The following ZBTB20 variants were observed in gnomAD, a reference collection of about 807,000 sequenced individuals.
ZBTB20 encodes the protein zinc finger and BTB domain containing 20.
Under a neutral mutation model 56.9 loss-of-function variants are expected in ZBTB20, and 9 were observed. That is an observed-to-expected ratio of 0.16 (90% CI 0.10 to 0.28). ZBTB20 has a LOEUF of 0.28. ZBTB20 is among the 10% of genes least tolerant of loss of function. ZBTB20 has a pLI of 1.00. For missense variants in ZBTB20, 655 were observed against 1,003.0 expected (o/e 0.65, Z 4.69); for synonymous variants, 417 against 420.7 (o/e 0.99, Z 0.11).
At chr3:114,669,163 G>T (rs532798460) in intron 6 of ZBTB20, among the ~76,000 whole-genome samples, 2 of 152,134 alleles carry the variant, frequency 1.3e-5, no homozygotes, top group Admixed American at 1.3e-4. Context: ...GGAGAGGTCA[G>T]AAATACCACT....
chr3:114,706,015 G>A (rs532794681), intron 5 of ZBTB20, among the ~76,000 whole-genome samples: 4 of 152,070 alleles, frequency 2.6e-5, no homozygotes, highest in Middle Eastern at 3.4e-3. Context: ...ATCTAGCCAC[G>A]GTCTATAGGA....
At chr3:114,821,466 T>C (rs1049851089) in intron 4 of ZBTB20, among the ~76,000 whole-genome samples, 1 of 152,150 alleles carries the variant, frequency 6.6e-6, no homozygotes, top group African/African-American at 2.4e-5. Flanking sequence ...TGGATCTCTC[T>C]AGTTTGCCTG....
At chr3:114,715,375 T>C (rs2064400461) in intron 5 of ZBTB20, among the ~76,000 whole-genome samples, 1 of 152,118 alleles carries the variant, frequency 6.6e-6, no homozygotes, top group South Asian at 2.1e-4. Context: ...GGGAGGCTTT[T>C]AAGGAAGGTT....
intron 6 of ZBTB20, among the ~76,000 whole-genome samples, chr3:114,538,111 T>C (rs1232593631): frequency 6.6e-6 from 1 of 151,892 alleles, no homozygotes; most frequent in Non-Finnish European, 1.5e-5. Flanking sequence ...TGCACATATA[T>C]CCCAGAACTT....
chr3:115,132,990 T>C (rs935938049), intron 1 of ZBTB20, among the ~76,000 whole-genome samples: 1 of 152,206 alleles, frequency 6.6e-6, no homozygotes, highest in Non-Finnish European at 1.5e-5. Context: ...TTCCTTAGAA[T>C]TTTTTAATAT....
chr3:115,122,275 C>T (rs2084204489), intron 1 of ZBTB20, among the ~76,000 whole-genome samples: 1 of 151,944 alleles, frequency 6.6e-6, no homozygotes, highest in African/African-American at 2.4e-5. Context: ...ACTAGTGAGG[C>T]CCAACTAAGG....
Position 114,422,107 on chromosome 3 carries a change from A to G in ZBTB20, c.-254-33002T>C, listed in dbSNP as rs115318957. Among the ~76,000 whole-genome samples, 445 of 152,300 alleles carry G rather than the reference A, an allele frequency of 2.9e-3. 3 individuals carry two copies. The highest frequency in any genetic ancestry group is 0.011 in the African/African-American group (438 of 41,568). On this transcript the variant is annotated intron_variant, in intron 7 of 11. Coordinates refer to ENST00000675478, the MANE Select transcript of ZBTB20 (RefSeq NM_001348800.3). ...GAAGAATTCTTTCACTATTTAAATCAGCTCTTCTGTCTCACTACGGCATGA... is the reference window on the plus strand; with the variant it reads ...GAAGAATTCTTTCACTATTTAAATCGGCTCTTCTGTCTCACTACGGCATGA...
intron 8 of ZBTB20, among the ~76,000 whole-genome samples, chr3:114,384,463 A>G (rs1157890712): frequency 2.0e-5 from 3 of 151,926 alleles, no homozygotes; most frequent in African/African-American, 7.3e-5. Flanking sequence ...TCTGCATTCA[A>G]AAAAAGAAAA....
chr3:114,434,806 T>C (rs945534139), intron 7 of ZBTB20, among the ~76,000 whole-genome samples: 1 of 152,052 alleles, frequency 6.6e-6, no homozygotes, highest in Non-Finnish European at 1.5e-5. Flanking sequence ...TCAGAATTAA[T>C]CTCTGTGAAA....
intron 4 of ZBTB20, among the ~76,000 whole-genome samples, chr3:114,821,220 C>T (rs747947455): frequency 2.6e-5 from 4 of 152,108 alleles, no homozygotes; most frequent in Admixed American, 6.6e-5. Flanking sequence ...CAAACGTCTG[C>T]AGTCACCATC....
At chr3:114,619,123 A>G (rs2058139670) in intron 6 of ZBTB20, among the ~76,000 whole-genome samples, 1 of 152,198 alleles carries the variant, frequency 6.6e-6, no homozygotes, top group Non-Finnish European at 1.5e-5. Context: ...AAGGATGAAC[A>G]GGTTGTTTGG....
chr3:114,533,437 G>C (rs1033016820), intron 6 of ZBTB20, among the ~76,000 whole-genome samples: 1 of 151,974 alleles, frequency 6.6e-6, no homozygotes, highest in South Asian at 2.1e-4. Flanking sequence ...GACAAGGTTA[G>C]AGAAAAAAGA....
At chr3:114,870,665 C>A (rs534814293) in intron 4 of ZBTB20, among the ~76,000 whole-genome samples, 47 of 151,346 alleles carry the variant, frequency 3.1e-4, no homozygotes, top group African/African-American at 1.1e-3. Context: ...CACGCACACA[C>A]CCCTCAATAT....
intron 4 of ZBTB20, among the ~76,000 whole-genome samples, chr3:114,817,609 C>A (rs1421898998): frequency 6.6e-6 from 1 of 151,688 alleles, no homozygotes; most frequent in Non-Finnish European, 1.5e-5. Context: ...ATATATGCCT[C>A]TATAAAAATA....
At chr3:114,835,261 G>T (rs1028766460) in intron 4 of ZBTB20, among the ~76,000 whole-genome samples, 3 of 152,070 alleles carry the variant, frequency 2.0e-5, no homozygotes, top group African/African-American at 7.2e-5. Flanking sequence ...GCATTGACTA[G>T]GGAATTTAAA....
At chr3:114,550,279 A>G (rs923360213) in intron 6 of ZBTB20, among the ~76,000 whole-genome samples, 4 of 151,948 alleles carry the variant, frequency 2.6e-5, no homozygotes, top group Non-Finnish European at 5.9e-5. Context: ...ATCAAATTCC[A>G]TCTCATTTTT....
intron 5 of ZBTB20, among the ~76,000 whole-genome samples, chr3:114,746,538 G>T (rs552198666): frequency 6.6e-6 from 1 of 152,266 alleles, no homozygotes; most frequent in East Asian, 1.9e-4. Flanking sequence ...ATCTGTGTCA[G>T]AGAGAGATCT....
At chr3:114,591,332 T>G (rs2055740781) in intron 6 of ZBTB20, among the ~76,000 whole-genome samples, 1 of 152,230 alleles carries the variant, frequency 6.6e-6, no homozygotes, top group Non-Finnish European at 1.5e-5. Context: ...AAATTTCAGT[T>G]TGACATTTCA....
At chr3:114,486,688 G>A (rs1488614966) in intron 7 of ZBTB20, among the ~76,000 whole-genome samples, 2 of 152,280 alleles carry the variant, frequency 1.3e-5, no homozygotes, top group East Asian at 3.9e-4. Flanking sequence ...TTTCACTCAT[G>A]TTCTTTCATG....
Sources: gnomAD v4.1 joint callset for allele counts (sites outside exome capture counted in the v4.1 genomes callset) on GRCh38, gnomAD v4.1.1 for gene constraint, MANE v1.5 for transcripts, NCBI Gene and HGNC (gene_info 2026-07-23, HGNC 2026-07-21) for gene names.